The following SMOC1 variants were observed in gnomAD, a reference collection of about 807,000 sequenced individuals.
The protein encoded by SMOC1 is SPARC related modular calcium binding 1.
A neutral mutation model predicts 56.3 loss-of-function variants in SMOC1; 22 were observed. That is an observed-to-expected ratio of 0.39 (90% CI 0.28 to 0.56). The LOEUF (loss-of-function observed/expected upper bound fraction) is 0.56, where lower values mean the gene tolerates loss of function less well. Among genes scored for constraint, SMOC1 ranks in the 20% least tolerant of loss-of-function variants. The probability of loss-of-function intolerance (pLI) is 0.61; values close to 1 mark genes in which losing one functional copy is unlikely to be tolerated. For synonymous variants in SMOC1, 193 were observed against 215.0 expected, an observed-to-expected ratio of 0.90 and a Z score of 0.89; for missense variants, 509 against 565.4, an observed-to-expected ratio of 0.90 and a Z score of 1.01.
intron 1 of SMOC1, among the ~76,000 whole-genome samples, chr14:69,903,900 TAA>T (rs55792587): frequency 2.9e-3 from 400 of 138,916 alleles, no homozygotes; most frequent in Non-Finnish European, 3.3e-3. Flanking sequence ...AATGATCAAT[TAA>T]AAAAAAAAAA....
At chr14:69,920,735 G>A (rs954031626) in intron 1 of SMOC1, among the ~76,000 whole-genome samples, 1 of 152,188 alleles carries the variant, frequency 6.6e-6, no homozygotes, top group Non-Finnish European at 1.5e-5. Flanking sequence ...CTACAAAGGA[G>A]ATCTGCTTTG....
At chr14:70,009,521 G>A (rs1002522147) in intron 7 of SMOC1, among the ~76,000 whole-genome samples, 1 of 152,208 alleles carries the variant, frequency 6.6e-6, no homozygotes, top group Non-Finnish European at 1.5e-5. Context: ...CTGATACCAA[G>A]TTCCTTGCTC....
chr14:69,901,815 T>C (rs138600993), intron 1 of SMOC1, among the ~76,000 whole-genome samples: 12 of 152,330 alleles, frequency 7.9e-5, no homozygotes, highest in African/African-American at 2.9e-4. Flanking sequence ...CCATGATGCA[T>C]TGGGAGAGGG....
At chr14:69,919,446 A>G (rs1884773175) in intron 1 of SMOC1, among the ~76,000 whole-genome samples, 1 of 152,220 alleles carries the variant, frequency 6.6e-6, no homozygotes, top group Non-Finnish European at 1.5e-5. Context: ...AAAAAATAAT[A>G]GTTATAATTT....
chr14:69,888,908 A>C (rs916237539), intron 1 of SMOC1, among the ~76,000 whole-genome samples: 2 of 152,108 alleles, frequency 1.3e-5, no homozygotes, highest in Non-Finnish European at 2.9e-5. Context: ...GACGTGTATT[A>C]CTCCTTCACT....
intron 1 of SMOC1, among the ~76,000 whole-genome samples, chr14:69,934,848 G>A (rs777505895): frequency 6.6e-6 from 1 of 152,118 alleles, no homozygotes; most frequent in Non-Finnish European, 1.5e-5. Context: ...TGATTATATG[G>A]CCTTGATCAA....
intron 1 of SMOC1, among the ~76,000 whole-genome samples, chr14:69,899,494 G>A (rs1478133526): frequency 1.3e-5 from 2 of 152,064 alleles, no homozygotes; most frequent in East Asian, 1.9e-4. Flanking sequence ...TATGCCTTCC[G>A]CTATGATTGT....
chr14:69,987,819 G>C (rs1884421601), intron 5 of SMOC1, among the ~76,000 whole-genome samples: 1 of 152,178 alleles, frequency 6.6e-6, no homozygotes, highest in Non-Finnish European at 1.5e-5. Context: ...GCGTGGGCCA[G>C]GCCTTCTCGC....
chr14:69,940,298 T>A (rs1882504136), intron 1 of SMOC1, among the ~76,000 whole-genome samples: 1 of 152,176 alleles, frequency 6.6e-6, no homozygotes, highest in Admixed American at 6.5e-5. Flanking sequence ...CTACCAGTGA[T>A]GATGAGCTGA....
intron 1 of SMOC1, among the ~76,000 whole-genome samples, chr14:69,916,417 G>C (rs1431550177): frequency 6.6e-6 from 1 of 152,206 alleles, no homozygotes; most frequent in Non-Finnish European, 1.5e-5. Context: ...TCTACCCTCT[G>C]TAAGCAGCAT....
chr14:69,999,829 G>A (rs746684678), intron 7 of SMOC1, among the ~76,000 whole-genome samples: 8 of 152,092 alleles, frequency 5.3e-5, no homozygotes, highest in African/African-American at 1.9e-4. Flanking sequence ...TTTCCTGGTC[G>A]CCTTGCTCCT....
intron 1 of SMOC1, among the ~76,000 whole-genome samples, chr14:69,943,596 G>T (rs1882661911): frequency 6.6e-6 from 1 of 152,234 alleles, no homozygotes; most frequent in Admixed American, 6.5e-5. Flanking sequence ...AGGTTGGAGA[G>T]CAAGCGGCTG....
intron 7 of SMOC1, among the ~76,000 whole-genome samples, chr14:69,999,002 G>A (rs903311371): frequency 6.6e-6 from 1 of 152,192 alleles, no homozygotes; most frequent in Non-Finnish European, 1.5e-5. Flanking sequence ...ATCATTGAAT[G>A]GAGCAGCTCA....
At chr14:69,956,448 CTT>C (rs3052655) in intron 3 of SMOC1, among the ~76,000 whole-genome samples, 20 of 130,750 alleles carry the variant, frequency 1.5e-4, no homozygotes, top group African/African-American at 1.7e-4. Context: ...CTTAGCTGGG[CTT>C]TTTTTTTTTT....
intron 1 of SMOC1, among the ~76,000 whole-genome samples, chr14:69,906,426 C>A (rs1334847879): frequency 5.9e-5 from 9 of 152,178 alleles, no homozygotes; most frequent in African/African-American, 2.2e-4. Flanking sequence ...TGATGTCCCA[C>A]TGACAGCCAG....
intron 3 of SMOC1, among the ~76,000 whole-genome samples, chr14:69,955,058 G>A (rs1459464465): frequency 6.6e-6 from 1 of 152,182 alleles, no homozygotes; most frequent in East Asian, 1.9e-4. Flanking sequence ...TGGGAGAGGT[G>A]CTTTTAATTC....
intron 1 of SMOC1, among the ~76,000 whole-genome samples, chr14:69,882,909 C>T (rs1459558716): frequency 4.6e-5 from 7 of 152,174 alleles, no homozygotes; most frequent in African/African-American, 1.7e-4. Flanking sequence ...TTACAGGTTC[C>T]ACTTTGACTG....
intron 5 of SMOC1, among the ~76,000 whole-genome samples, chr14:69,981,150 G>A (rs955055575): frequency 5.3e-5 from 8 of 152,100 alleles, no homozygotes; most frequent in Admixed American, 1.3e-4. Context: ...GGTCACAGCC[G>A]TTTGGTCTAA....
intron 1 of SMOC1, among the ~76,000 whole-genome samples, chr14:69,932,736 G>T (rs563317481): frequency 6.6e-6 from 1 of 152,294 alleles, no homozygotes; most frequent in Non-Finnish European, 1.5e-5. Context: ...ACACTGGCAG[G>T]GCAGTGCGGC....
Sources: allele counts gnomAD v4.1 joint callset (sites outside exome capture counted in the v4.1 genomes callset), GRCh38; gene constraint gnomAD v4.1.1; transcripts MANE v1.5; gene names NCBI Gene and HGNC (gene_info 2026-07-23, HGNC 2026-07-21).